The following GAB1 variants were observed in gnomAD, a reference collection of about 807,000 sequenced individuals.
GAB1 encodes GRB2 associated binding protein 1.
In GAB1, 19 loss-of-function variants were observed where a neutral mutation model predicts 66.5. The observed-to-expected ratio is 0.29, with a 90% CI of 0.20 to 0.42. The LOEUF is 0.42. Ranked by LOEUF, GAB1 falls within the 10% of genes least tolerant of loss-of-function variation. The pLI is 1.00. For missense variants in GAB1, 732 were observed against 858.5 expected (o/e 0.85, Z 1.84); for synonymous variants, 294 against 301.4 (o/e 0.98, Z 0.25).
At chr4:143,447,432 G>A (rs1217371825) in intron 6 of GAB1, among the ~76,000 whole-genome samples, 1 of 152,182 alleles carries the variant, frequency 6.6e-6, no homozygotes, top group Non-Finnish European at 1.5e-5. Context: ...GATGAGCATG[G>A]AATGTTCTTC....
chr4:143,448,461 A>G lies in GAB1; in HGVS notation c.1585+8079A>G, dbSNP rs868367056. ...TGGTAAGCTATTGATTATTGCCACAATTTCAGATTCTGTTATTGGTCTATT... is the reference window on the plus strand; with the variant it reads ...TGGTAAGCTATTGATTATTGCCACAGTTTCAGATTCTGTTATTGGTCTATT... On this transcript the variant is annotated intron_variant, in intron 6 of 9. Coordinates refer to ENST00000262994, the MANE Select transcript of GAB1 (RefSeq NM_002039.4). Among the ~76,000 whole-genome samples the G allele has an allele frequency of 7.6e-4, 115 of 151,928 alleles. 3 individuals are homozygous for G. The highest frequency in any genetic ancestry group is 2.6e-3 in the African/African-American group (106 of 41,224).
chr4:143,368,240 A>G (rs1729971988), intron 1 of GAB1, among the ~76,000 whole-genome samples: 1 of 151,864 alleles, frequency 6.6e-6, no homozygotes, highest in Admixed American at 6.6e-5. Context: ...TCTAATGATA[A>G]TTAATTTATG....
chr4:143,380,443 T>C (rs955574652), intron 1 of GAB1, among the ~76,000 whole-genome samples: 1 of 152,214 alleles, frequency 6.6e-6, no homozygotes, highest in African/African-American at 2.4e-5. Context: ...CCCAAGCTTA[T>C]GTAAAATAAT....
intron 1 of GAB1, among the ~76,000 whole-genome samples, chr4:143,385,125 T>C (rs1284695063): frequency 6.6e-6 from 1 of 152,192 alleles, no homozygotes; most frequent in Non-Finnish European, 1.5e-5. Flanking sequence ...GCAGTATCAC[T>C]TTGGGCATAT....
At chr4:143,344,021 T>C (rs1343130600) in intron 1 of GAB1, among the ~76,000 whole-genome samples, 3 of 152,232 alleles carry the variant, frequency 2.0e-5, no homozygotes, top group Non-Finnish European at 4.4e-5. Flanking sequence ...CCTGAACTTA[T>C]TAAAATTCCA....
chr4:143,443,723 C>G (rs1328593427), intron 6 of GAB1, among the ~76,000 whole-genome samples: 1 of 151,956 alleles, frequency 6.6e-6, no homozygotes, highest in Non-Finnish European at 1.5e-5. Context: ...AGTTCATTGC[C>G]CTATATGTCT....
intron 1 of GAB1, among the ~76,000 whole-genome samples, chr4:143,372,949 T>A (rs1261041841): frequency 6.6e-6 from 1 of 152,214 alleles, no homozygotes; most frequent in African/African-American, 2.4e-5. Context: ...TTTCCAGATG[T>A]GGTTTCAACT....
intron 2 of GAB1, 107 bp from the exon 3 acceptor site, chr4:143,433,384 A>G: frequency 1.3e-6 from 1 of 743,426 alleles, no homozygotes; most frequent in Non-Finnish European, 2.3e-6. Context: ...CATTGTCATG[A>G]TTTATTCTGT....
chr4:143,377,340 T>C (rs1318714002), intron 1 of GAB1, among the ~76,000 whole-genome samples: 1 of 152,112 alleles, frequency 6.6e-6, no homozygotes, highest in Admixed American at 6.5e-5. Context: ...GAAGCTGGCT[T>C]TTGTTGGGGG....
At chr4:143,418,877 C>T (rs1478359022) in intron 2 of GAB1, among the ~76,000 whole-genome samples, 1 of 152,152 alleles carries the variant, frequency 6.6e-6, no homozygotes. Flanking sequence ...TTTTAAGGCA[C>T]AGCGTCTTGT....
In GAB1 at chr4:143,463,421, G is replaced by A. The variant is rs190953658; in HGVS notation, c.1804-2682G>A. 2.3e-3 allele frequency among the ~76,000 whole-genome samples: 346 copies of A among 152,072 alleles called. 5 individuals carry two copies. The highest frequency in any genetic ancestry group is 2.7e-3 in the Non-Finnish European group (186 of 67,992). On this transcript the variant is annotated intron_variant, in intron 8 of 9. Transcript: ENST00000262994. The stretch of plus-strand genomic sequence containing the variant: ...GCAGATCACCTGAGGTCAGTAGTGC[G>A]AGACCAGCCTGGCCAACATGGATAA...
At chr4:143,388,926 G>A (rs1283609523) in intron 1 of GAB1, among the ~76,000 whole-genome samples, 6 of 152,210 alleles carry the variant, frequency 3.9e-5, no homozygotes, top group African/African-American at 1.4e-4. Context: ...CTTTTGCAAG[G>A]CATAAGGAGG....
intron 2 of GAB1, among the ~76,000 whole-genome samples, chr4:143,420,676 T>G (rs543626947): frequency 6.6e-6 from 1 of 152,190 alleles, no homozygotes; most frequent in East Asian, 1.9e-4. Flanking sequence ...CTCACTAACT[T>G]CATATAAAGG....
chr4:143,385,436 G>A (rs757217218), intron 1 of GAB1, among the ~76,000 whole-genome samples: 1 of 152,168 alleles, frequency 6.6e-6, no homozygotes, highest in Non-Finnish European at 1.5e-5. Flanking sequence ...AAAATACAGT[G>A]ACTTAAACAA....
At chr4:143,408,913 C>T (rs1732211560) in intron 1 of GAB1, among the ~76,000 whole-genome samples, 1 of 152,092 alleles carries the variant, frequency 6.6e-6, no homozygotes, top group African/African-American at 2.4e-5. Context: ...AGTAAAATTA[C>T]AGTGGTGGAG....
chr4:143,365,607 C>T (rs981448494), intron 1 of GAB1, among the ~76,000 whole-genome samples: 9 of 152,172 alleles, frequency 5.9e-5, no homozygotes, highest in Non-Finnish European at 1.0e-4. Context: ...CTTGAAGGGG[C>T]CTGCCTCCTG....
chr4:143,430,620 T>A (rs1733604383), intron 2 of GAB1, among the ~76,000 whole-genome samples: 1 of 152,164 alleles, frequency 6.6e-6, no homozygotes, highest in Admixed American at 6.5e-5. Flanking sequence ...AAATAGAATT[T>A]CAGATTACCA....
chr4:143,445,177 CA>C (rs1412935739), intron 6 of GAB1, among the ~76,000 whole-genome samples: 1 of 152,196 alleles, frequency 6.6e-6, no homozygotes, highest in Non-Finnish European at 1.5e-5. Flanking sequence ...AACTGCTTTC[CA>C]CAGTGGCTGA....
At position 143,433,595 on chromosome 4, in the gene GAB1, C is replaced by T. The variant is rs1381835671; in HGVS notation, c.472C>T (p.Leu158=). Residue 158 remains leucine, a synonymous_variant, in exon 3 of 10, where the codon CTA becomes TTA. Coordinates refer to ENST00000262994, the MANE Select transcript of GAB1 (RefSeq NM_002039.4). ...CCAGGCAGATTCATCCTCTGCTACT[C>T]TACCTCCTCCATATCAGCTAATCAA... ...STQADSSSAT[L]PPPYQLINVP... is the part of the protein sequence containing the mutation. The T allele has an allele frequency of 6.2e-7, 1 of 1,613,938 alleles. No individual in the cohort carries two copies. Among genetic ancestry groups the T allele is most frequent in the Non-Finnish European group, 8.5e-7 (1 of 1,179,842 alleles).
Sources: allele counts gnomAD v4.1 joint callset (sites outside exome capture counted in the v4.1 genomes callset), GRCh38; gene constraint gnomAD v4.1.1; transcripts MANE v1.5; gene names NCBI Gene and HGNC (gene_info 2026-07-23, HGNC 2026-07-21).